The following SBF2 variants were observed in gnomAD, a reference collection of about 807,000 sequenced individuals.
SBF2 encodes the protein myotubularin-related protein 13.
SBF2 carries 112 observed loss-of-function variants against 225.2 expected under a neutral mutation model. That is an observed-to-expected ratio of 0.50 (90% CI 0.43 to 0.58). The LOEUF is 0.58. SBF2 is among the 20% of genes least tolerant of loss of function. SBF2 has a pLI of 0.00. For synonymous variants in SBF2, 763 were observed against 773.3 expected (o/e 0.99, Z 0.22); for missense variants, 1,996 against 2,206.2 (o/e 0.90, Z 1.91).
intron 6 of SBF2, among the ~76,000 whole-genome samples, chr11:10,005,291 T>C (rs753224329): frequency 2.0e-5 from 3 of 152,128 alleles, no homozygotes; most frequent in African/African-American, 4.8e-5. Context: ...CCAGTGAGCA[T>C]GCGTACAATT....
intron 2 of SBF2, among the ~76,000 whole-genome samples, chr11:10,141,005 A>G (rs1269921322): frequency 2.0e-5 from 3 of 152,214 alleles, no homozygotes; most frequent in African/African-American, 4.8e-5. Context: ...CCAGAAAAAA[A>G]GAAAAATGGA....
Position 10,031,183 on chromosome 11 carries a change from A to G in SBF2, c.280-13T>C, listed in dbSNP as rs1196282660. 1 of 1,612,834 alleles carries G rather than the reference A, an allele frequency of 6.2e-7. No individual in the cohort carries two copies. The highest frequency in any genetic ancestry group is 8.5e-7 in the Non-Finnish European group (1 of 1,179,280). ...CCTTCTTTGTTCCCTAGAAAAAGAG[A>G]CACTGAAATCAACAAACAGAAGGGA... is the stretch of plus-strand genomic sequence containing the variant. On this transcript the variant is annotated splice_polypyrimidine_tract_variant and intron_variant, in intron 3 of 39. Coordinates refer to ENST00000256190, the MANE Select transcript of SBF2 (RefSeq NM_030962.4).
At chr11:10,241,054 T>C (rs1031370634) in intron 1 of SBF2, among the ~76,000 whole-genome samples, 3 of 152,110 alleles carry the variant, frequency 2.0e-5, no homozygotes, top group Non-Finnish European at 4.4e-5. Flanking sequence ...GAAATGCATA[T>C]ACAAGAGAGA....
At chr11:10,196,582 T>C (rs1441949180) in intron 1 of SBF2, among the ~76,000 whole-genome samples, 1 of 151,808 alleles carries the variant, frequency 6.6e-6, no homozygotes, top group African/African-American at 2.4e-5. Flanking sequence ...TTTCGCCACA[T>C]TGCCCAAGTT....
intron 17 of SBF2, among the ~76,000 whole-genome samples, chr11:9,874,059 CAA>C (rs11353618): frequency 8.0e-5 from 12 of 149,858 alleles, no homozygotes; most frequent in South Asian, 2.1e-4. Context: ...GACTTTGTCT[CAA>C]AAAAAAAAAG....
intron 19 of SBF2, among the ~76,000 whole-genome samples, chr11:9,855,536 A>G (rs1414755721): frequency 6.6e-6 from 1 of 152,214 alleles, no homozygotes; most frequent in Non-Finnish European, 1.5e-5. Flanking sequence ...ATAGAATTTC[A>G]CTACTGTTGG....
In SBF2 at chr11:9,900,676, A is replaced by G. The variant is rs183383040; in HGVS notation, c.1861-4665T>C. ...CTTGCTGAGAAAAAGACAATTTTAT[A>G]TTTGAGTGCTATTTCTTTTGCGGCA... On this transcript the variant is annotated intron_variant, in intron 16 of 39. Transcript: ENST00000256190. Among the ~76,000 whole-genome samples the G allele has an allele frequency of 1.6e-3, 244 of 152,294 alleles. 3 individuals carry two copies. Among genetic ancestry groups the G allele is most frequent in the African/African-American group, 5.4e-3 (225 of 41,556 alleles).
rs1475783552 is a variant in SBF2, at chr11:9,917,004, CATTTA to C, written c.1861-20998_1861-20994del. On this transcript the variant is annotated intron_variant, in intron 16 of 39. Coordinates refer to ENST00000256190, the MANE Select transcript of SBF2 (RefSeq NM_030962.4). ...ATCAACCAAATGGATTATACTTAGACATTTAATTTAACCTCTGTACCATTTAAGAT... is the reference window on the plus strand; with the variant it reads ...ATCAACCAAATGGATTATACTTAGACATTTAACCTCTGTACCATTTAAGAT... Among the ~76,000 whole-genome samples the C allele has an allele frequency of 4.8e-4, 73 of 151,756 alleles. 2 individuals carry two copies. Among genetic ancestry groups the C allele is most frequent in the Admixed American group, 1.4e-3 (22 of 15,264 alleles).
chr11:10,094,217 G>A (rs1951910137), intron 2 of SBF2, among the ~76,000 whole-genome samples: 1 of 152,080 alleles, frequency 6.6e-6, no homozygotes, highest in Admixed American at 6.6e-5. Flanking sequence ...CAGCTACTCG[G>A]CAGGCTGAAG....
intron 2 of SBF2, among the ~76,000 whole-genome samples, chr11:10,113,740 G>T (rs944154602): frequency 1.3e-5 from 2 of 150,988 alleles, no homozygotes; most frequent in African/African-American, 2.4e-5. Context: ...ACTAATAGAA[G>T]TTTTGGGAAA....
Position 10,251,161 on chromosome 11 carries a change from C to G in SBF2, c.55+42854G>C, listed in dbSNP as rs768580688. On this transcript the variant is annotated intron_variant, in intron 1 of 39. Transcript: ENST00000256190. ...CTTTGGTAGATAAAAGATGAAGGCC[C>G]GATGTAGATGCGAAACCTTAATGGT... Among the ~76,000 whole-genome samples, 81 of 152,138 alleles carry G rather than the reference C, an allele frequency of 5.3e-4. 2 individuals are homozygous for G. The Middle Eastern group carries it at 0.01, about 19-fold the overall frequency.
At chr11:9,897,711 A>G (rs1167653894) in intron 16 of SBF2, among the ~76,000 whole-genome samples, 11 of 152,192 alleles carry the variant, frequency 7.2e-5, no homozygotes, top group Admixed American at 1.3e-4. Context: ...TCCATCCGTT[A>G]TAAGTTTGCA....
chr11:10,111,609 C>G (rs896962632), intron 2 of SBF2, among the ~76,000 whole-genome samples: 2 of 152,232 alleles, frequency 1.3e-5, no homozygotes, highest in African/African-American at 4.8e-5. Context: ...GGTGCAGTGG[C>G]TCACGCCTGT....
intron 29 of SBF2, among the ~76,000 whole-genome samples, chr11:9,815,329 G>A (rs1210892248): frequency 6.8e-6 from 1 of 147,484 alleles, no homozygotes; most frequent in Non-Finnish European, 1.5e-5. Context: ...GGTGACGCGT[G>A]CCTGTAATCT....
At chr11:9,816,799 C>T (rs150192943) in intron 29 of SBF2, 41 bp downstream of exon 29, 41 of 1,589,238 alleles carry the variant, frequency 2.6e-5, no homozygotes, top group South Asian at 6.7e-5. Context: ...ACAGCCCTAG[C>T]GTATCCATAA....
chr11:10,013,219 C>T (rs1948521974), intron 6 of SBF2, among the ~76,000 whole-genome samples: 1 of 152,170 alleles, frequency 6.6e-6, no homozygotes, highest in South Asian at 2.1e-4. Context: ...AGGCATCTGA[C>T]GTTTTTCTCC....
chr11:9,878,343 T>C (rs1859460280), intron 17 of SBF2, among the ~76,000 whole-genome samples: 1 of 152,208 alleles, frequency 6.6e-6, no homozygotes, highest in Non-Finnish European at 1.5e-5. Flanking sequence ...TTCCGTAGGT[T>C]GCCTGTTCAC....
intron 2 of SBF2, among the ~76,000 whole-genome samples, chr11:10,071,688 G>A (rs1024345668): frequency 5.9e-5 from 9 of 152,284 alleles, no homozygotes; most frequent in African/African-American, 2.2e-4. Context: ...CTAGTTTATT[G>A]AGAGTTTTTA....
intron 2 of SBF2, among the ~76,000 whole-genome samples, chr11:10,179,163 G>T (rs1956612391): frequency 6.7e-6 from 1 of 150,092 alleles, no homozygotes; most frequent in Non-Finnish European, 1.5e-5. Context: ...CTGGACACAG[G>T]AAGGGGAACA....
Sources: gnomAD v4.1 joint callset for allele counts (sites outside exome capture counted in the v4.1 genomes callset) on GRCh38, gnomAD v4.1.1 for gene constraint, MANE v1.5 for transcripts, NCBI Gene and HGNC (gene_info 2026-07-23, HGNC 2026-07-21) for gene names.